SLCO4C1: variants seen among roughly 807,000 people sequenced by gnomAD.
SLCO4C1 encodes the protein solute carrier organic anion transporter family member 4C1.
In SLCO4C1, 58 loss-of-function variants were observed where a neutral mutation model predicts 72.1. The observed-to-expected ratio is 0.80, with a 90% CI of 0.65 to 1.00. The LOEUF (loss-of-function observed/expected upper bound fraction) is 1.00, where lower values mean the gene tolerates loss of function less well. Ranked by LOEUF, SLCO4C1 falls within the 50% of genes least tolerant of loss-of-function variation. The pLI, the probability that SLCO4C1 is intolerant of heterozygous loss-of-function variation, is 0.00. For synonymous variants in SLCO4C1, 297 were observed against 312.5 expected (o/e 0.95, Z 0.52); for missense variants, 898 against 857.9 (o/e 1.05, Z -0.58).
At chr5:102,246,966 G>A (rs548684090) in intron 10 of SLCO4C1, among the ~76,000 whole-genome samples, 10 of 152,084 alleles carry the variant, frequency 6.6e-5, no homozygotes, top group South Asian at 6.2e-4. Context: ...ACTCAAAACT[G>A]AACGTTTCTC....
At chr5:102,275,225 G>A (rs1050574895) in intron 2 of SLCO4C1, among the ~76,000 whole-genome samples, 1 of 152,002 alleles carries the variant, frequency 6.6e-6, no homozygotes, top group Non-Finnish European at 1.5e-5. Flanking sequence ...TAGAAAAGAA[G>A]ATACAACGGA....
intron 2 of SLCO4C1, among the ~76,000 whole-genome samples, chr5:102,272,163 G>A (rs1397050968): frequency 6.6e-6 from 1 of 152,098 alleles, no homozygotes; most frequent in Non-Finnish European, 1.5e-5. Flanking sequence ...TCTTTTAGTG[G>A]GAGAAGACAG....
intron 3 of SLCO4C1, among the ~76,000 whole-genome samples, chr5:102,268,358 C>G (rs1248349998): frequency 6.6e-6 from 1 of 151,914 alleles, no homozygotes; most frequent in Non-Finnish European, 1.5e-5. Context: ...AAATGATATT[C>G]TTTGTCTCTT....
chr5:102,291,219 A>G, intron 2 of SLCO4C1, 124 bp downstream of exon 2: 1 of 962,276 alleles, frequency 1.0e-6, no homozygotes. Flanking sequence ...TGAACAAACC[A>G]GTGAGGTGTG....
chr5:102,266,956 T>C (rs1161507633), intron 3 of SLCO4C1, among the ~76,000 whole-genome samples: 1 of 152,204 alleles, frequency 6.6e-6, no homozygotes, highest in African/African-American at 2.4e-5. Context: ...GCAAACTAAT[T>C]CTTGCATCAC....
intron 1 of SLCO4C1, among the ~76,000 whole-genome samples, chr5:102,294,391 C>T (rs1310383627): frequency 6.6e-6 from 1 of 152,150 alleles, no homozygotes; most frequent in South Asian, 2.1e-4. Flanking sequence ...AATTGGGGAC[C>T]TCTGGGTAGA....
intron 1 of SLCO4C1, among the ~76,000 whole-genome samples, chr5:102,292,265 G>C (rs1295279521): frequency 6.6e-6 from 1 of 152,132 alleles, no homozygotes; most frequent in Non-Finnish European, 1.5e-5. Context: ...GTCCCGTGAA[G>C]CCAGTTTGAT....
chr5:102,248,772 T>C (rs2112344552), intron 9 of SLCO4C1, among the ~76,000 whole-genome samples: 1 of 152,268 alleles, frequency 6.6e-6, no homozygotes, highest in Admixed American at 6.5e-5. Flanking sequence ...TATCACATTA[T>C]CTACCAATGC....
At chr5:102,282,979 T>C (rs929114597) in intron 2 of SLCO4C1, among the ~76,000 whole-genome samples, 1 of 152,006 alleles carries the variant, frequency 6.6e-6, no homozygotes, top group African/African-American at 2.4e-5. Context: ...AAATTCAAGA[T>C]ATTTTCAAAT....
intron 2 of SLCO4C1, among the ~76,000 whole-genome samples, chr5:102,285,268 C>A (rs1315709714): frequency 6.6e-6 from 1 of 151,492 alleles, no homozygotes; most frequent in Non-Finnish European, 1.5e-5. Context: ...TACACACACA[C>A]ACACATATAT....
At chr5:102,272,540 TC>T (rs1444147045) in intron 2 of SLCO4C1, among the ~76,000 whole-genome samples, 1 of 152,096 alleles carries the variant, frequency 6.6e-6, no homozygotes, top group African/African-American at 2.4e-5. Context: ...GAGAACAGTC[TC>T]CAGAAAAATA....
At chr5:102,286,398 A>G (rs1003788219) in intron 2 of SLCO4C1, among the ~76,000 whole-genome samples, 1 of 152,172 alleles carries the variant, frequency 6.6e-6, no homozygotes, top group South Asian at 2.1e-4. Flanking sequence ...TAACATTAAA[A>G]TAACACTCAT....
chr5:102,237,060 T>C (rs1461843437), intron 12 of SLCO4C1, 42 bp from the exon 13 acceptor site: 6 of 1,517,038 alleles, frequency 4.0e-6, no homozygotes, highest in African/African-American at 1.4e-5. Flanking sequence ...TTGTTTTTAA[T>C]TATGATAAAA....
At chr5:102,243,049 T>C (rs1226158749) in intron 10 of SLCO4C1, among the ~76,000 whole-genome samples, 2 of 152,038 alleles carry the variant, frequency 1.3e-5, no homozygotes, top group Admixed American at 6.6e-5. Context: ...TAAAGGAACA[T>C]TGGTGGTAGT....
intron 10 of SLCO4C1, 138 bp downstream of exon 10, chr5:102,247,114 C>T: frequency 1.9e-6 from 1 of 519,826 alleles, no homozygotes; most frequent in South Asian, 7.5e-5. Context: ...TTGTCCAATG[C>T]CACAGAACTA....
chr5:102,278,079 A>T (rs904047991), intron 2 of SLCO4C1, among the ~76,000 whole-genome samples: 2 of 151,940 alleles, frequency 1.3e-5, no homozygotes, highest in African/African-American at 2.4e-5. Flanking sequence ...CATAGTGAAT[A>T]AAAAAAACAA....
intron 2 of SLCO4C1, among the ~76,000 whole-genome samples, chr5:102,285,278 TA>T (rs1749431489): frequency 6.6e-6 from 1 of 151,652 alleles, no homozygotes; most frequent in Non-Finnish European, 1.5e-5. Flanking sequence ...CACACATATA[TA>T]TTTTTTTTTG....
rs769468689 is a variant in SLCO4C1 at position 102,270,677 on chromosome 5, C to T, written c.749G>A (p.Gly250Glu). The change falls in exon 3 of 13, where the codon GGA (glycine) becomes GAA (glutamate). Residue 250 changes from glycine (G) to glutamate (E), a missense_variant. Coordinates refer to ENST00000310954, the MANE Select transcript of SLCO4C1 (RefSeq NM_180991.5). ...GAGGTPLYTLGTAFLDDSVPT... is the reference protein window; with the variant it reads ...GAGGTPLYTLETAFLDDSVPT... Reference sequence around the variant, plus strand: ...CACAGAATCATCAAGAAAGGCTGTTCCCAGAGTATAAAGAGGAGTTCCTCC... The same window carrying T: ...CACAGAATCATCAAGAAAGGCTGTTTCCAGAGTATAAAGAGGAGTTCCTCC... 6.2e-7 allele frequency: 1 copy of T among 1,612,978 alleles called. No individual in the cohort carries two copies. The highest frequency in any genetic ancestry group is 8.5e-7 in the Non-Finnish European group (1 of 1,179,434).
chr5:102,280,237 A>T (rs1418308481), intron 2 of SLCO4C1, among the ~76,000 whole-genome samples: 1 of 152,012 alleles, frequency 6.6e-6, no homozygotes, highest in Non-Finnish European at 1.5e-5. Context: ...ATCAAGAACC[A>T]ATTAATTCAG....
Sources: allele counts gnomAD v4.1 joint callset (sites outside exome capture counted in the v4.1 genomes callset), GRCh38; gene constraint gnomAD v4.1.1; transcripts MANE v1.5; gene names NCBI Gene and HGNC (gene_info 2026-07-23, HGNC 2026-07-21).